Variants in TRIM71 observed in about 807,000 individuals in gnomAD.
TRIM71 encodes the protein tripartite motif containing 71.
In TRIM71, 9 loss-of-function variants were observed where a neutral mutation model predicts 61.2. That is an observed-to-expected ratio of 0.15 (90% confidence interval 0.09 to 0.26). TRIM71 has a LOEUF of 0.26. Ranked by LOEUF, TRIM71 falls within the 10% of genes least tolerant of loss-of-function variation. TRIM71 has a pLI of 1.00. For missense variants in TRIM71, 998 were observed against 1,238.7 expected (o/e 0.81, Z 2.92); for synonymous variants, 645 against 553.2 (o/e 1.17, Z -2.33).
chr3:32,857,584 AATT>A (rs1488199841), intron 1 of TRIM71, among the ~76,000 whole-genome samples: 3 of 152,238 alleles, frequency 2.0e-5, no homozygotes, highest in African/African-American at 7.2e-5. Flanking sequence ...ATATAAAGTC[AATT>A]AATACATGTA....
At chr3:32,885,868 A>G (rs1444668792) in intron 2 of TRIM71, 66 bp from the exon 3 acceptor site, 2 of 1,554,590 alleles carry the variant, frequency 1.3e-6, no homozygotes, top group Non-Finnish European at 1.7e-6. Context: ...GAGCAGATTC[A>G]AATGTTTTGT....
At chr3:32,819,079 C>A in intron 1 of TRIM71, 147 bp downstream of exon 1, 2 of 876,438 alleles carry the variant, frequency 2.3e-6, no homozygotes, top group Non-Finnish European at 3.6e-6. Flanking sequence ...TCCTTGCTAC[C>A]AAAGTAGATC....
At position 32,818,761 on chromosome 3, in the gene TRIM71, C is replaced by T. The variant is rs1019670227; in HGVS notation, c.681C>T (p.His227=). 5.0e-6 allele frequency: 8 copies of T among 1,606,220 alleles called. No homozygotes were observed. The Admixed American group carries it at 8.4e-5, about 17-fold the overall frequency. Reference sequence around the variant, plus strand: ...TGTGCGACAACTGCGTCCGAGCGCACCAGCGCGTGCGCCTCACCAAGGACC... The same window carrying T: ...TGTGCGACAACTGCGTCCGAGCGCATCAGCGCGTGCGCCTCACCAAGGACC... ...EHLCDNCVRA[H]QRVRLTKDHY... The change falls in exon 1 of 4, where the codon CAC becomes CAT. Residue 227 remains histidine (H), a synonymous_variant. Coordinates refer to ENST00000383763, the MANE Select transcript of TRIM71 (RefSeq NM_001039111.3).
intron 1 of TRIM71, among the ~76,000 whole-genome samples, chr3:32,831,220 G>A (rs950436831): frequency 2.0e-5 from 3 of 152,096 alleles, no homozygotes; most frequent in African/African-American, 7.2e-5. Context: ...TCTTGGTATA[G>A]GTAAGACCAT....
At chr3:32,853,611 T>G (rs1696563997) in intron 1 of TRIM71, among the ~76,000 whole-genome samples, 1 of 152,222 alleles carries the variant, frequency 6.6e-6, no homozygotes, top group Admixed American at 6.5e-5. Flanking sequence ...GTGTTTTTAC[T>G]AGAGAAGGGA....
In TRIM71 at chr3:32,818,881, C is replaced by T. The variant is rs937091007; in HGVS notation, c.801C>T (p.Ile267=). 8.7e-6 allele frequency: 14 copies of T among 1,612,534 alleles called. No homozygotes were observed. In the African/African-American group the frequency reaches 1.3e-4, roughly 15 times the overall value. Residue 267 remains isoleucine (I), a synonymous_variant, in exon 1 of 4, where the codon ATC becomes ATT. Coordinates refer to ENST00000383763, the MANE Select transcript of TRIM71 (RefSeq NM_001039111.3). The stretch of plus-strand genomic sequence containing the variant: ...CCTTTCCCGGCCCGCCCTTCTCCAT[C>T]CTCTCAGTGTTTCCCGAGCGCCTCG... ...GPPFPGPPFS[I]LSVFPERLGF... is the part of the protein sequence containing the mutation.
intron 1 of TRIM71, among the ~76,000 whole-genome samples, chr3:32,870,580 C>G (rs1248296079): frequency 6.6e-6 from 1 of 152,146 alleles, no homozygotes; most frequent in Non-Finnish European, 1.5e-5. Context: ...GGCACCCTGC[C>G]TTTCGCTGCC....
At chr3:32,829,626 T>TTGTGTGTGTGTGTG (rs10524029) in intron 1 of TRIM71, among the ~76,000 whole-genome samples, 1,778 of 148,760 alleles carry the variant, frequency 0.012, 16 homozygotes, top group Middle Eastern at 0.028. Context: ...TGTCATGGTA[T>TTGTGTGTGTGTGTG]TGTGTGTGTG....
intron 1 of TRIM71, among the ~76,000 whole-genome samples, chr3:32,848,680 CTG>C (rs1696504579): frequency 6.6e-6 from 1 of 152,160 alleles, no homozygotes; most frequent in African/African-American, 2.4e-5. Context: ...TTTAAAATGC[CTG>C]ATGCCTCTTC....
chr3:32,885,999 G>C lies in TRIM71; in HGVS notation c.1086G>C (p.Ser362=), dbSNP rs770852053. 2 of 1,614,208 alleles carry C rather than the reference G, an allele frequency of 1.2e-6. No individual in the cohort carries two copies. The highest frequency in any genetic ancestry group is 1.7e-6 in the Non-Finnish European group (2 of 1,180,044). ...AGATGAAGGCGAAGGTTGTGCAGTC[G>C]GAGGTCAAAGCCGTGACGGCGAGGC... ...QVEMKAKVVQ[S]EVKAVTARHK... Residue 362 remains serine, a synonymous_variant, in exon 3 of 4, where the codon TCG becomes TCC. Coordinates refer to ENST00000383763, the MANE Select transcript of TRIM71 (RefSeq NM_001039111.3).
In TRIM71 at chr3:32,896,194, C is replaced by T. The variant is rs764846669; in HGVS notation, c.*4383C>T. ...AGAGAAAAATATTTTATCTGTATTT[C>T]GAATGTCTGCAAATAATACCCTTTA... On this transcript the variant is annotated 3_prime_UTR_variant, in exon 4 of 4. Transcript: ENST00000383763. 3 of 152,114 alleles carry T rather than the reference C, an allele frequency of 2.0e-5. No individual in the cohort carries two copies. The highest frequency in any genetic ancestry group is 4.4e-5 in the Non-Finnish European group (3 of 68,036). 9.4% of individuals were successfully genotyped at this position (152,114 alleles called of 1,614,324 possible).
At chr3:32,868,398 A>G (rs534155586) in intron 1 of TRIM71, among the ~76,000 whole-genome samples, 1 of 152,368 alleles carries the variant, frequency 6.6e-6, no homozygotes, top group East Asian at 1.9e-4. Flanking sequence ...GGGATTCTGT[A>G]AAGAACAAGG....
intron 1 of TRIM71, among the ~76,000 whole-genome samples, chr3:32,847,895 AT>A (rs1696493570): frequency 6.6e-6 from 1 of 152,244 alleles, no homozygotes; most frequent in Non-Finnish European, 1.5e-5. Context: ...AAATAAGGCA[AT>A]AAAAATTTCA....
intron 1 of TRIM71, among the ~76,000 whole-genome samples, chr3:32,868,053 A>G (rs1236646223): frequency 6.6e-6 from 1 of 152,184 alleles, no homozygotes; most frequent in Non-Finnish European, 1.5e-5. Flanking sequence ...GCAACACAAC[A>G]AGACTTTTTC....
intron 1 of TRIM71, among the ~76,000 whole-genome samples, chr3:32,829,644 G>GTGTGTGTGTGTGTGTGTGTT (rs1575341611): frequency 4.0e-5 from 6 of 151,892 alleles, no homozygotes; most frequent in Non-Finnish European, 8.8e-5. Flanking sequence ...GTGTGTGTGT[G>GTGTGTGTGTGTGTGTGTGTT]TGTGTGTTTG....
At position 32,893,270 on chromosome 3, in the gene TRIM71, C is replaced by T. The variant is rs1407508345; in HGVS notation, c.*1459C>T. On this transcript the variant is annotated 3_prime_UTR_variant, in exon 4 of 4. Coordinates refer to ENST00000383763, the MANE Select transcript of TRIM71 (RefSeq NM_001039111.3). ...CAACCTGAAATGTAGGATGTAATGT[C>T]TTTTCTTAAACCTGTAACTCGGTAC... is the stretch of plus-strand genomic sequence containing the variant. 1 of 148,142 alleles carries T rather than the reference C, an allele frequency of 6.8e-6. No individual in the cohort carries two copies. Among genetic ancestry groups the T allele is most frequent in the Non-Finnish European group, 1.5e-5 (1 of 67,678 alleles). 9.2% of individuals were successfully genotyped at this position (148,142 alleles called of 1,614,324 possible).
chr3:32,891,886 CTCTT>C lies in TRIM71; in HGVS notation c.*77_*80del, dbSNP rs774583351. ...TCTCTCTCTCTCTTTCTCTTTCTCT[CTCTT>C]TTTGAATTTCAAAGAAGAAACAGTC... On this transcript the variant is annotated 3_prime_UTR_variant, in exon 4 of 4. Coordinates refer to ENST00000383763, the MANE Select transcript of TRIM71 (RefSeq NM_001039111.3). This position sits in a 1 kb window ranked among gnomAD's most constrained non-coding sequence, Gnocchi z 8.2. 25 of 1,507,362 alleles carry C rather than the reference CTCTT, an allele frequency of 1.7e-5. No individual in the cohort carries two copies. Among genetic ancestry groups the C allele is most frequent in the South Asian group, 5.2e-5 (4 of 77,170 alleles). The allele number at this position is 1,507,362 out of a possible 1,614,324, so 93.4% of individuals were successfully genotyped here.
At chr3:32,838,091 A>T (rs1314867602) in intron 1 of TRIM71, among the ~76,000 whole-genome samples, 1 of 152,238 alleles carries the variant, frequency 6.6e-6, no homozygotes, top group Admixed American at 6.5e-5. Context: ...AGCAATAAAC[A>T]GGGCTTGCCT....
chr3:32,833,177 C>A (rs1696293043), intron 1 of TRIM71, among the ~76,000 whole-genome samples: 1 of 57,834 alleles, frequency 1.7e-5, no homozygotes, highest in Admixed American at 2.6e-4. Flanking sequence ...GAATGAAACT[C>A]TGTCTTTAAA....
Sources: allele counts gnomAD v4.1 joint callset (sites outside exome capture counted in the v4.1 genomes callset), GRCh38; gene constraint gnomAD v4.1.1; non-coding constraint Gnocchi (gnomAD v3.1); transcripts MANE v1.5; gene names NCBI Gene and HGNC (gene_info 2026-07-23, HGNC 2026-07-21).